Variants in EXOSC10 observed in about 807,000 individuals in gnomAD.
EXOSC10 encodes the protein exosome component 10.
A neutral mutation model predicts 126.6 loss-of-function variants in EXOSC10; 94 were observed. That is an observed-to-expected ratio of 0.74 (90% confidence interval 0.63 to 0.88). The LOEUF is 0.88. Ranked by LOEUF, EXOSC10 falls within the 40% of genes least tolerant of loss-of-function variation. The pLI is 0.00. For synonymous variants in EXOSC10, 395 were observed against 400.8 expected (o/e 0.99, Z 0.17); for missense variants, 1,041 against 1,100.5 (o/e 0.95, Z 0.77).
At chr1:11,080,418 T>C (rs1325727379) in intron 13 of EXOSC10, 81 bp downstream of exon 13, 39 of 1,555,040 alleles carry the variant, frequency 2.5e-5, no homozygotes, top group African/African-American at 5.5e-5. Context: ...CCTTGGGTAA[T>C]AGCAACCAGA....
chr1:11,068,503 C>T, intron 23 of EXOSC10, 142 bp downstream of exon 23: 2 of 696,984 alleles, frequency 2.9e-6, no homozygotes, highest in Non-Finnish European at 5.1e-6. Context: ...CTGATCAGTA[C>T]TGTCTGCCCT....
intron 9 of EXOSC10, among the ~76,000 whole-genome samples, chr1:11,083,715 G>T (rs202227694): frequency 0.025 from 2,676 of 107,440 alleles, no homozygotes; most frequent in South Asian, 0.031. Context: ...CCATGCTGGT[G>T]CGCTGCACCC....
intron 9 of EXOSC10, among the ~76,000 whole-genome samples, chr1:11,085,808 T>C (rs1640462764): frequency 6.6e-6 from 1 of 151,324 alleles, no homozygotes; most frequent in South Asian, 2.1e-4. Context: ...AATACCTAAT[T>C]TATTGAGAGT....
chr1:11,092,303 C>T (rs1640849880), intron 3 of EXOSC10, among the ~76,000 whole-genome samples: 1 of 152,090 alleles, frequency 6.6e-6, no homozygotes, highest in African/African-American at 2.4e-5. Context: ...TGCAACCTGC[C>T]TCCCGGGTTC....
chr1:11,080,563 A>AACACACACACACACACACACACACACAC lies in EXOSC10; in HGVS notation c.1587-42_1587-15dup, dbSNP rs70977543. The AACACACACACACACACACACACACACAC allele has an allele frequency of 1.5e-6, 2 of 1,350,782 alleles. No homozygotes were observed. The highest frequency in any genetic ancestry group is 3.5e-5 in the African/African-American group (2 of 56,962). The allele number at this position is 1,350,782 out of a possible 1,614,324, so 83.7% of individuals were successfully genotyped here. A position where few individuals can be genotyped will look rare whatever the true frequency, so the allele number is the denominator to read the frequency against. On this transcript the variant is annotated splice_polypyrimidine_tract_variant and intron_variant, in intron 12 of 24. Transcript: ENST00000376936. ...GGCAGTACATATCTGGAAAAAAAAA[A>AACACACACACACACACACACACACACAC]ACACACACACACACACACACACACA...
rs114727409 is a variant in EXOSC10 at position 11,074,139 on chromosome 1, A to T, written c.2082+92T>A. On this transcript the variant is annotated intron_variant, in intron 18 of 24. Transcript: ENST00000376936. ...GCCAGGACACCAGGGCAGCCGACAC[A>T]CTGGCTTCAGAGGCTTCCTTCCCAG... 9.8e-3 allele frequency: 13,659 copies of T among 1,388,722 alleles called. 444 individuals are homozygous for T. Among genetic ancestry groups the T allele is most frequent in the Admixed American group, 0.066 (3,888 of 59,272 alleles). The allele number at this position is 1,388,722 out of a possible 1,614,324, so 86.0% of individuals were successfully genotyped here.
intron 17 of EXOSC10, among the ~76,000 whole-genome samples, chr1:11,075,744 G>A (rs570651827): frequency 1.5e-4 from 23 of 150,366 alleles, no homozygotes; most frequent in Non-Finnish European, 3.0e-4. Flanking sequence ...CCAGCTACTC[G>A]AGAGAAGGCT....
At chr1:11,076,201 A>G (rs1212756153) in intron 17 of EXOSC10, among the ~76,000 whole-genome samples, 1 of 151,586 alleles carries the variant, frequency 6.6e-6, no homozygotes, top group Non-Finnish European at 1.5e-5. Flanking sequence ...AAAGTGAAAT[A>G]GCTGGGCACA....
chr1:11,099,560 C>G, intron 1 of EXOSC10, 161 bp downstream of exon 1: 1 of 673,246 alleles, frequency 1.5e-6, no homozygotes, highest in African/African-American at 1.9e-5. Context: ...GAGGCCCCAT[C>G]CCCGGAGGGT....
chr1:11,098,190 C>G, intron 1 of EXOSC10, 34 bp from the exon 2 acceptor site: 2 of 1,572,838 alleles, frequency 1.3e-6, no homozygotes, highest in Middle Eastern at 1.7e-4. Context: ...CATGTTTACA[C>G]AGGGATCCCC....
intron 3 of EXOSC10, among the ~76,000 whole-genome samples, chr1:11,094,624 A>T (rs1190303802): frequency 3.4e-5 from 4 of 118,932 alleles, no homozygotes; most frequent in Non-Finnish European, 6.8e-5. Context: ...TTTTTTTGAG[A>T]CAGAGTCTCA....
Position 11,096,490 on chromosome 1 carries a change from T to C in EXOSC10, c.249-609A>G, listed in dbSNP as rs1352437566. 2.3e-4 allele frequency among the ~76,000 whole-genome samples: 34 copies of C among 147,674 alleles called. 1 individual carries two copies. The highest frequency in any genetic ancestry group is 4.2e-4 in the Non-Finnish European group (28 of 66,770). On this transcript the variant is annotated intron_variant, in intron 2 of 24. Transcript: ENST00000376936. ...TTCTTTCTTTTTTTTTTTTTTTTTT[T>C]TAAAGAGACAGGGTCTTGCTCTGTT...
chr1:11,069,520 G>A (rs373323882), intron 22 of EXOSC10, 39 bp downstream of exon 22: 24 of 1,597,770 alleles, frequency 1.5e-5, no homozygotes, highest in Middle Eastern at 1.7e-4. Context: ...CCTCTGACGC[G>A]CACAGATGTC....
intron 17 of EXOSC10, 77 bp from the exon 18 acceptor site, chr1:11,074,403 G>GT: frequency 9.9e-7 from 1 of 1,007,000 alleles, no homozygotes; most frequent in Non-Finnish European, 1.5e-6. Flanking sequence ...GAGAGCAACA[G>GT]TTAACAGTGA....
intron 14 of EXOSC10, among the ~76,000 whole-genome samples, chr1:11,078,716 T>C (rs1282417655): frequency 2.6e-5 from 4 of 152,196 alleles, no homozygotes; most frequent in Non-Finnish European, 4.4e-5. Context: ...CAGGGAGCTA[T>C]CACTTCACAT....
Position 11,069,600 on chromosome 1 carries a change from G to C in EXOSC10, c.2447C>G (p.Thr816Arg). Residue 816 changes from threonine (T) to arginine (R), a missense_variant, in exon 22 of 25, where the codon ACG becomes AGG. Physicochemically the swap from Thr to Arg is moderately conservative, Grantham distance 71 (BLOSUM62 -1). Transcript: ENST00000376936. ...GTCTGACTGGCTGTAGTCGTAAGGCGTAAACTCTTTTTCTGGTGGCTCTGG... is the reference window on the plus strand; with the variant it reads ...GTCTGACTGGCTGTAGTCGTAAGGCCTAAACTCTTTTTCTGGTGGCTCTGG... ...KDPEPPEKEF[T>R]PYDYSQSDFK... 3.7e-6 allele frequency: 6 copies of C among 1,614,122 alleles called. No homozygotes were observed. The highest frequency in any genetic ancestry group is 5.1e-6 in the Non-Finnish European group (6 of 1,180,042).
chr1:11,083,911 AATG>A (rs1272362297), intron 9 of EXOSC10, among the ~76,000 whole-genome samples: 3 of 152,246 alleles, frequency 2.0e-5, no homozygotes, highest in East Asian at 1.9e-4. Flanking sequence ...GTTTACTGAG[AATG>A]ATGATTTCCA....
intron 24 of EXOSC10, among the ~76,000 whole-genome samples, chr1:11,067,163 G>A (rs1446263292): frequency 3.9e-5 from 6 of 152,168 alleles, no homozygotes; most frequent in Non-Finnish European, 8.8e-5. Context: ...CGGGCGCGGT[G>A]GCTCACGCCT....
chr1:11,083,023 T>C (rs1395628385), intron 9 of EXOSC10, 145 bp from the exon 10 acceptor site: 5 of 670,190 alleles, frequency 7.5e-6, no homozygotes, highest in Non-Finnish European at 2.5e-6. Flanking sequence ...TGATCTTGGC[T>C]CACTGCAACT....
Sources: gnomAD v4.1 joint callset for allele counts (sites outside exome capture counted in the v4.1 genomes callset) on GRCh38, gnomAD v4.1.1 for gene constraint, MANE v1.5 for transcripts, NCBI Gene and HGNC (gene_info 2026-07-23, HGNC 2026-07-21) for gene names.